The following NCOA2 variants were observed in gnomAD, a reference collection of about 807,000 sequenced individuals.
The protein encoded by NCOA2 is class E basic helix-loop-helix protein 75.
NCOA2 carries 21 observed loss-of-function variants against 145.1 expected under a neutral mutation model. The ratio of observed to expected loss-of-function variants is 0.14; its 90% CI spans 0.10 to 0.21. NCOA2 has a LOEUF of 0.21. NCOA2 is among the 10% of genes least tolerant of loss of function. The pLI is 1.00. For synonymous variants in NCOA2, 619 were observed against 637.5 expected (o/e 0.97, Z 0.44); for missense variants, 1,472 against 1,837.6 (o/e 0.80, Z 3.64).
the NCOA2 span, among the ~76,000 whole-genome samples, chr8:70,451,956 G>GGTGT: frequency 1.4e-5 from 2 of 143,048 alleles, no homozygotes; most frequent in East Asian, 2.1e-4. Context: ...GGGCATTTAA[G>GGTGT]GTGTTTGTTT....
At chr8:70,125,784 A>G (rs1808344631) in intron 19 of NCOA2, among the ~76,000 whole-genome samples, 1 of 152,156 alleles carries the variant, frequency 6.6e-6, no homozygotes, top group African/African-American at 2.4e-5. Flanking sequence ...AATTCAATGT[A>G]TGCTTCTTGT....
intron 2 of NCOA2, among the ~76,000 whole-genome samples, chr8:70,243,901 G>A (rs1470103392): frequency 1.3e-5 from 2 of 151,280 alleles, no homozygotes; most frequent in Non-Finnish European, 3.0e-5. Flanking sequence ...AGTGTTGTCT[G>A]CTTTTTAAAA....
chr8:70,261,001 C>G (rs550762097), intron 2 of NCOA2, among the ~76,000 whole-genome samples: 51 of 152,312 alleles, frequency 3.3e-4, no homozygotes, highest in Non-Finnish European at 5.7e-4. Context: ...CACACTGTTG[C>G]TGGGACTGTA....
intron 2 of NCOA2, among the ~76,000 whole-genome samples, chr8:70,223,769 A>C (rs1820368263): frequency 6.6e-6 from 1 of 152,222 alleles, no homozygotes; most frequent in Non-Finnish European, 1.5e-5. Flanking sequence ...GAACAAGGCC[A>C]CACAGGAAGT....
At chr8:70,404,624 C>G (rs538345765), upstream of NCOA2, among the ~76,000 whole-genome samples, 501 of 152,340 alleles carry the variant, frequency 3.3e-3, 3 homozygotes, top group African/African-American at 0.011. Flanking sequence ...GGGGCACCAC[C>G]CGGCAATTGC....
Position 70,123,994 on chromosome 8 carries a change from C to T in NCOA2, c.4183G>A (p.Ala1395Thr), listed in dbSNP as rs1808125685. 2 of 1,613,840 alleles carry T rather than the reference C, an allele frequency of 1.2e-6. No individual in the cohort carries two copies. Among genetic ancestry groups the T allele is most frequent in the Admixed American group, 3.3e-5 (2 of 60,002 alleles). Residue 1395 changes from alanine to threonine, a missense_variant, in exon 21 of 23, where the codon GCG becomes ACG. Coordinates refer to ENST00000452400, the MANE Select transcript of NCOA2 (RefSeq NM_006540.4). ...SNNMNINVSM[A>T]TNTGGMSSMN... ...CTGCTCATGCCACCTGTGTTGGTCG[C>T]CATGGACACATTGATGTTCATGTTG...
intron 13 of NCOA2, 85 bp from the exon 14 acceptor site, chr8:70,141,484 A>G (rs1049979134): frequency 8.1e-7 from 1 of 1,229,216 alleles, no homozygotes; most frequent in Non-Finnish European, 1.2e-6. Flanking sequence ...CTTACCCTAC[A>G]AAACAATCAT....
chr8:70,221,694 G>A (rs542956014), intron 2 of NCOA2, among the ~76,000 whole-genome samples: 5 of 152,222 alleles, frequency 3.3e-5, no homozygotes, highest in African/African-American at 1.2e-4. Flanking sequence ...CCAACTTCTG[G>A]CAACAGTTGA....
chr8:70,377,790 C>T (rs1354853249), intron 1 of NCOA2, among the ~76,000 whole-genome samples: 2 of 152,090 alleles, frequency 1.3e-5, no homozygotes, highest in African/African-American at 2.4e-5. Flanking sequence ...AGTTCTTGCA[C>T]AAAATCTAAA....
intron 2 of NCOA2, among the ~76,000 whole-genome samples, chr8:70,269,759 C>T (rs1266884168): frequency 2.6e-5 from 4 of 152,220 alleles, no homozygotes; most frequent in Non-Finnish European, 2.9e-5. Flanking sequence ...TAAGGCAAGT[C>T]AACCTAAATT....
intron 2 of NCOA2, among the ~76,000 whole-genome samples, chr8:70,219,962 G>GAT (rs1193967072): frequency 6.6e-6 from 1 of 152,002 alleles, no homozygotes; most frequent in African/African-American, 2.4e-5. Context: ...ACCAGAGAGA[G>GAT]ATAGATAAGT....
At chr8:70,431,063 C>A in the NCOA2 span, among the ~76,000 whole-genome samples, 1 of 152,090 alleles carries the variant, frequency 6.6e-6, no homozygotes, top group East Asian at 1.9e-4. Context: ...ACACTAAACT[C>A]TATCTTATGA....
At chr8:70,207,340 T>C (rs1164454306) in intron 4 of NCOA2, among the ~76,000 whole-genome samples, 2 of 152,190 alleles carry the variant, frequency 1.3e-5, no homozygotes, top group Non-Finnish European at 2.9e-5. Flanking sequence ...TAAAGCATTA[T>C]AACACATTCA....
intron 1 of NCOA2, among the ~76,000 whole-genome samples, chr8:70,311,515 G>A (rs573459885): frequency 1.2e-4 from 18 of 152,258 alleles, no homozygotes; most frequent in African/African-American, 3.4e-4. Context: ...TATAAAAGTC[G>A]TAACAGTGTA....
At chr8:70,328,145 A>G (rs1249297815) in intron 1 of NCOA2, among the ~76,000 whole-genome samples, 2 of 152,250 alleles carry the variant, frequency 1.3e-5, no homozygotes, top group South Asian at 2.1e-4. Context: ...CACATACAGA[A>G]AAGTTGAAGA....
intron 22 of NCOA2, among the ~76,000 whole-genome samples, chr8:70,116,747 T>G (rs1807181555): frequency 1.3e-5 from 2 of 152,166 alleles, no homozygotes; most frequent in African/African-American, 2.4e-5. Context: ...TGAGTCTCTA[T>G]GACGGACTGT....
intron 2 of NCOA2, among the ~76,000 whole-genome samples, chr8:70,219,264 T>C (rs1348985464): frequency 2.6e-5 from 4 of 152,240 alleles, no homozygotes; most frequent in African/African-American, 9.6e-5. Flanking sequence ...GAAAATATCA[T>C]AATTTCCTCT....
chr8:70,400,384 G>C (rs1176391957), intron 1 of NCOA2, among the ~76,000 whole-genome samples: 2 of 152,100 alleles, frequency 1.3e-5, no homozygotes, highest in African/African-American at 4.8e-5. Context: ...ATATGCTTGA[G>C]AGGTTTTTTT....
chr8:70,415,617 G>T, the NCOA2 span, among the ~76,000 whole-genome samples: 3 of 152,150 alleles, frequency 2.0e-5, no homozygotes, highest in Non-Finnish European at 4.4e-5. Flanking sequence ...GGAATATTGG[G>T]TGACTGTGAC....
Sources: allele counts gnomAD v4.1 joint callset (sites outside exome capture counted in the v4.1 genomes callset), GRCh38; gene constraint gnomAD v4.1.1; transcripts MANE v1.5; gene names NCBI Gene and HGNC (gene_info 2026-07-23, HGNC 2026-07-21).